The following TENM2 variants were observed in gnomAD, a reference collection of about 807,000 sequenced individuals.
TENM2 encodes teneurin transmembrane protein 2.
TENM2 carries 52 observed loss-of-function variants against 245.2 expected under a neutral mutation model. That is an observed-to-expected ratio of 0.21 (90% CI 0.17 to 0.27). The LOEUF (loss-of-function observed/expected upper bound fraction) is 0.27. Ranked by LOEUF, TENM2 falls within the 10% of genes least tolerant of loss-of-function variation. The probability of loss-of-function intolerance (pLI) is 1.00; values close to 1 mark genes in which losing one functional copy is unlikely to be tolerated. For synonymous variants in TENM2, 1,363 were observed against 1,438.9 expected, an observed-to-expected ratio of 0.95 and a Z score of 1.19; for missense variants, 3,046 against 3,666.8, an observed-to-expected ratio of 0.83 and a Z score of 4.37.
At chr5:168,056,972 C>T (rs1195480646) in intron 6 of TENM2, among the ~76,000 whole-genome samples, 1 of 151,952 alleles carries the variant, frequency 6.6e-6, no homozygotes, top group East Asian at 1.9e-4. Flanking sequence ...TATACTCACA[C>T]CACTATGAAA....
In TENM2 at chr5:167,908,680, T is replaced by C. The variant is rs191936165; in HGVS notation, c.712+32485T>C. Among the ~76,000 whole-genome samples, 105 of 143,476 alleles carry C rather than the reference T, an allele frequency of 7.3e-4. 2 individuals carry two copies. The East Asian group carries it at 0.022, about 29-fold the overall frequency. 94.1% of individuals were successfully genotyped at this position (143,476 alleles called of 152,430 possible). On this transcript the variant is annotated intron_variant, in intron 3 of 28. Coordinates refer to ENST00000518659, the Ensembl canonical transcript of TENM2. ...TTTGCTTTTCTTCTATTTCTTTTTC[T>C]CTCTCCCTCTCTGTTTCCCTCTCTC...
intron 4 of TENM2, among the ~76,000 whole-genome samples, chr5:167,979,523 A>C (rs1782676194): frequency 6.6e-6 from 1 of 152,204 alleles, no homozygotes; most frequent in African/African-American, 2.4e-5. Context: ...TAATGCCTGA[A>C]GATATACATC....
At chr5:167,861,582 G>A (rs1263172196) in intron 2 of TENM2, among the ~76,000 whole-genome samples, 1 of 152,178 alleles carries the variant, frequency 6.6e-6, no homozygotes, top group Non-Finnish European at 1.5e-5. Flanking sequence ...GACCTATGAA[G>A]ATGGGGCAGG....
rs1287204504 is a variant in TENM2, at chr5:168,244,618, G to C, written c.5719G>C (p.Gly1907Arg). 6.3e-7 allele frequency: 1 copy of C among 1,595,324 alleles called. No homozygotes were observed. The highest frequency in any genetic ancestry group is 8.6e-7 in the Non-Finnish European group (1 of 1,167,696). Reference sequence around the variant, plus strand: ...TGGGCGCCTGGCTGGGCTTCAGCGTGGGGCCATGAGCGAGAGGACAGACAT... The same window carrying C: ...TGGGCGCCTGGCTGGGCTTCAGCGTCGGGCCATGAGCGAGAGGACAGACAT... Residue 1907 changes from glycine (G) to arginine (R), a missense_variant, in exon 26 of 29, where the codon GGG (glycine) becomes CGG (arginine). By Grantham distance (125) the Gly-to-Arg change is moderately radical. This residue lies in a region of TENM2 where 2,704 missense variants were observed against 3,331.9 expected (regional missense o/e 0.81). Coordinates refer to ENST00000518659, the Ensembl canonical transcript of TENM2. The surrounding 1 kb of genome is among the most constrained non-coding windows in gnomAD (Gnocchi z 4.9).
intron 1 of TENM2, among the ~76,000 whole-genome samples, chr5:167,312,006 A>C (rs1221694948): frequency 6.6e-6 from 1 of 152,212 alleles, no homozygotes; most frequent in African/African-American, 2.4e-5. Context: ...CTTAAACCTC[A>C]ATTTCTTTGC....
the TENM2 span, among the ~76,000 whole-genome samples, chr5:167,257,774 G>C: frequency 6.6e-6 from 1 of 152,044 alleles, no homozygotes; most frequent in Non-Finnish European, 1.5e-5. Flanking sequence ...AAGTAAAATA[G>C]AAAATACACT....
the TENM2 span, among the ~76,000 whole-genome samples, chr5:167,126,243 G>A: frequency 1.3e-5 from 2 of 152,160 alleles, no homozygotes; most frequent in Admixed American, 6.6e-5. Flanking sequence ...GGCTTAGGGA[G>A]GGGAGATATG....
intron 2 of TENM2, among the ~76,000 whole-genome samples, chr5:167,622,167 CTTTTG>C (rs1310255858): frequency 6.6e-6 from 1 of 152,060 alleles, no homozygotes; most frequent in Non-Finnish European, 1.5e-5. Context: ...TATATTTTGA[CTTTTG>C]TTCTATTTGG....
intron 2 of TENM2, among the ~76,000 whole-genome samples, chr5:167,834,578 A>G (rs1020633188): frequency 2.0e-5 from 3 of 152,074 alleles, no homozygotes; most frequent in Admixed American, 6.5e-5. Context: ...AAAGAAAGAC[A>G]AGGCAATCAT....
Position 168,246,974 on chromosome 5 carries a change from T to A in TENM2, c.6035T>A (p.Leu2012Ter). The A allele has an allele frequency of 6.2e-7, 1 of 1,613,988 alleles. No individual in the cohort carries two copies. The highest frequency in any genetic ancestry group is 8.5e-7 in the Non-Finnish European group (1 of 1,179,890). ...GGCCGCATCCTGAAGACCTCCTTTTTGGGCACCGGACGCCAGGTGTTCTAC... is the reference window on the plus strand; with the variant it reads ...GGCCGCATCCTGAAGACCTCCTTTTAGGGCACCGGACGCCAGGTGTTCTAC... Residue 2012 changes from leucine (L) to a stop codon, truncating the protein, a stop_gained, in exon 27 of 29, where the codon TTG (leucine) becomes TAG (stop). Transcript: ENST00000518659. LOFTEE classifies it high-confidence loss of function.
chr5:167,421,192 T>C (rs1237139178), intron 2 of TENM2, among the ~76,000 whole-genome samples: 1 of 152,192 alleles, frequency 6.6e-6, no homozygotes, highest in Non-Finnish European at 1.5e-5. Context: ...TGTTGATATC[T>C]CAAAAGAAAT....
intron 3 of TENM2, among the ~76,000 whole-genome samples, chr5:167,876,489 C>T (rs1267243139): frequency 6.6e-6 from 1 of 152,152 alleles, no homozygotes; most frequent in African/African-American, 2.4e-5. Flanking sequence ...TGCAGAGAGA[C>T]ACCGGCATAT....
At chr5:167,686,351 T>C (rs1420967707) in intron 2 of TENM2, among the ~76,000 whole-genome samples, 3 of 152,216 alleles carry the variant, frequency 2.0e-5, no homozygotes, top group Non-Finnish European at 4.4e-5. Context: ...TAATGATGCA[T>C]GTCTTTATGA....
intron 5 of TENM2, among the ~76,000 whole-genome samples, chr5:168,030,697 C>A (rs574710607): frequency 7.6e-4 from 115 of 152,272 alleles, no homozygotes; most frequent in South Asian, 3.1e-3. Flanking sequence ...TTAGGAAATG[C>A]TTGTTAATGG....
At chr5:168,228,931 A>C (rs1212709543) in intron 25 of TENM2, among the ~76,000 whole-genome samples, 2 of 147,674 alleles carry the variant, frequency 1.4e-5, no homozygotes, top group African/African-American at 4.9e-5. Context: ...ATATTATATT[A>C]TAATGTATAA....
At chr5:166,994,121 C>T in the TENM2 span, among the ~76,000 whole-genome samples, 1 of 152,170 alleles carries the variant, frequency 6.6e-6, no homozygotes, top group Non-Finnish European at 1.5e-5. Flanking sequence ...CCTCTGCACC[C>T]TGATATATCA....
intron 2 of TENM2, among the ~76,000 whole-genome samples, chr5:167,748,259 A>T (rs898676596): frequency 6.6e-6 from 1 of 152,154 alleles, no homozygotes. Context: ...TGTGGTACGG[A>T]TTGAAAAGTT....
chr5:167,575,339 C>T (rs1474714612), intron 2 of TENM2, among the ~76,000 whole-genome samples: 2 of 152,098 alleles, frequency 1.3e-5, no homozygotes, highest in African/African-American at 4.8e-5. Flanking sequence ...GACTTCAGTA[C>T]CTGTACTAGG....
At chr5:168,029,494 CAG>C (rs1786919346) in intron 5 of TENM2, among the ~76,000 whole-genome samples, 1 of 152,166 alleles carries the variant, frequency 6.6e-6, no homozygotes, top group South Asian at 2.1e-4. Flanking sequence ...TGCTTATAGA[CAG>C]ATGTTTACAA....
Sources: allele counts gnomAD v4.1 joint callset (sites outside exome capture counted in the v4.1 genomes callset), GRCh38; gene constraint gnomAD v4.1.1; regional missense constraint gnomAD v4.1.1; non-coding constraint Gnocchi (gnomAD v3.1); transcripts MANE v1.5; gene names NCBI Gene and HGNC (gene_info 2026-07-23, HGNC 2026-07-21).